Variants in SRBD1 observed in about 807,000 individuals in gnomAD.
The protein encoded by SRBD1 is S1 RNA-binding domain-containing protein 1.
In SRBD1, 88 loss-of-function variants were observed where a neutral mutation model predicts 115.3. That is an observed-to-expected ratio of 0.76 (90% CI 0.64 to 0.91). The LOEUF (loss-of-function observed/expected upper bound fraction) is 0.91. SRBD1 is among the 40% of genes least tolerant of loss of function. The pLI, the probability that SRBD1 is intolerant of heterozygous loss-of-function variation, is 0.00. For missense variants in SRBD1, 1,385 were observed against 1,177.4 expected (o/e 1.18, Z -2.58); for synonymous variants, 509 against 407.7 (o/e 1.25, Z -2.99).
At chr2:45,431,858 G>A (rs1361943707) in intron 16 of SRBD1, among the ~76,000 whole-genome samples, 5 of 152,118 alleles carry the variant, frequency 3.3e-5, no homozygotes, top group Non-Finnish European at 7.4e-5. Context: ...TTAACTCACT[G>A]AATTTAGAAG....
At chr2:45,605,122 T>C (rs1300434755) in intron 2 of SRBD1, among the ~76,000 whole-genome samples, 1 of 152,248 alleles carries the variant, frequency 6.6e-6, no homozygotes, top group African/African-American at 2.4e-5. Context: ...GCTTATATTC[T>C]AGTGTAAGTA....
At chr2:45,425,783 G>C (rs1008021763) in intron 16 of SRBD1, among the ~76,000 whole-genome samples, 9 of 152,116 alleles carry the variant, frequency 5.9e-5, no homozygotes, top group African/African-American at 2.2e-4. Flanking sequence ...CGTGCTGTGA[G>C]GGACTGTGCT....
chr2:45,435,572 AC>A (rs1426425046), intron 16 of SRBD1, among the ~76,000 whole-genome samples: 60 of 68,708 alleles, frequency 8.7e-4, no homozygotes, highest in African/African-American at 2.8e-3. Context: ...AAAAAAAAAA[AC>A]AAAAAAAAAA....
chr2:45,420,822 C>G (rs1667973421), intron 16 of SRBD1, among the ~76,000 whole-genome samples: 1 of 152,156 alleles, frequency 6.6e-6, no homozygotes, highest in Admixed American at 6.5e-5. Flanking sequence ...TTCTTAGAAG[C>G]TTTGATGATA....
intron 14 of SRBD1, among the ~76,000 whole-genome samples, chr2:45,501,691 G>C (rs1670635846): frequency 6.6e-6 from 1 of 152,152 alleles, no homozygotes; most frequent in African/African-American, 2.4e-5. Context: ...CTTGCTCATT[G>C]GTAGCACAGC....
At chr2:45,610,900 C>T (rs1465879763) in intron 1 of SRBD1, among the ~76,000 whole-genome samples, 1 of 150,186 alleles carries the variant, frequency 6.7e-6, no homozygotes, top group Non-Finnish European at 1.5e-5. Context: ...TACACTCCAG[C>T]CTGGGCGACA....
At chr2:45,566,852 TAAAC>T (rs1046157131) in intron 9 of SRBD1, among the ~76,000 whole-genome samples, 1 of 152,096 alleles carries the variant, frequency 6.6e-6, no homozygotes, top group African/African-American at 2.4e-5. Flanking sequence ...TATTAAAAAT[TAAAC>T]AACATCACTT....
chr2:45,471,227 T>C (rs1045366836), intron 16 of SRBD1, among the ~76,000 whole-genome samples: 1 of 152,070 alleles, frequency 6.6e-6, no homozygotes, highest in African/African-American at 2.4e-5. Flanking sequence ...TGAAAAAAAA[T>C]CACATCAACA....
At chr2:45,576,193 T>A (rs1673171653) in intron 7 of SRBD1, among the ~76,000 whole-genome samples, 1 of 152,200 alleles carries the variant, frequency 6.6e-6, no homozygotes, top group Non-Finnish European at 1.5e-5. Context: ...TTTATGATAA[T>A]CCACTTCCAT....
intron 6 of SRBD1, among the ~76,000 whole-genome samples, chr2:45,580,496 C>A (rs1481172523): frequency 1.3e-5 from 2 of 150,200 alleles, no homozygotes; most frequent in East Asian, 3.9e-4. Context: ...CAGGAGCGCA[C>A]CACTACGTCC....
At chr2:45,461,624 G>A (rs543335952) in intron 16 of SRBD1, among the ~76,000 whole-genome samples, 9 of 152,014 alleles carry the variant, frequency 5.9e-5, no homozygotes, top group South Asian at 4.2e-4. Flanking sequence ...CATAACTGAC[G>A]CCGCCCCTAC....
intron 14 of SRBD1, among the ~76,000 whole-genome samples, chr2:45,496,588 G>C (rs909062905): frequency 4.6e-5 from 7 of 152,212 alleles, no homozygotes; most frequent in African/African-American, 1.4e-4. Context: ...AATAACAATG[G>C]TTTCTGCTAC....
chr2:45,521,821 AG>A (rs1314734303), intron 14 of SRBD1, among the ~76,000 whole-genome samples: 3 of 152,050 alleles, frequency 2.0e-5, no homozygotes, highest in Non-Finnish European at 2.9e-5. Context: ...TTTAAAAATT[AG>A]CCAGGCATGG....
At position 45,573,293 on chromosome 2, in the gene SRBD1, AG is replaced by A; in HGVS notation, c.1218del (p.Ser407GlnfsTer4). On this transcript the variant is annotated frameshift_variant, in exon 9 of 21. Coordinates refer to ENST00000263736, the MANE Select transcript of SRBD1 (RefSeq NM_018079.5). LOFTEE classifies it high-confidence loss of function. The stretch of plus-strand genomic sequence containing the variant: ...ACATCTTTCTCATTTACCTTTTTTG[AG>A]GATACTTTTGCCAGAGATGACTGGA... The part of the protein sequence containing the change: ...VCIQSSLAKV[S>X]SKKVNEKDVD... The A allele has an allele frequency of 2.5e-6, 4 of 1,612,340 alleles. No homozygotes were observed.
intron 16 of SRBD1, among the ~76,000 whole-genome samples, chr2:45,468,580 C>T (rs762910009): frequency 2.6e-5 from 4 of 151,822 alleles, no homozygotes; most frequent in South Asian, 2.1e-4. Context: ...GTAGAGATGA[C>T]GTCTCACTAT....
intron 16 of SRBD1, among the ~76,000 whole-genome samples, chr2:45,435,830 C>T (rs1039282817): frequency 6.6e-6 from 1 of 152,158 alleles, no homozygotes; most frequent in Non-Finnish European, 1.5e-5. Flanking sequence ...TTCTATCAAA[C>T]ATTTAAGGAA....
chr2:45,404,693 C>A (rs1032911293), intron 19 of SRBD1, among the ~76,000 whole-genome samples: 10 of 152,232 alleles, frequency 6.6e-5, no homozygotes, highest in Admixed American at 2.6e-4. Flanking sequence ...TCTACCACTG[C>A]CCCTTACAGT....
chr2:45,427,970 G>A (rs1344030183), intron 16 of SRBD1, among the ~76,000 whole-genome samples: 3 of 152,184 alleles, frequency 2.0e-5, no homozygotes, highest in African/African-American at 7.2e-5. Flanking sequence ...GGGTATTCAG[G>A]ACTTGAACTC....
Position 45,602,103 on chromosome 2 carries a change from A to G in SRBD1, c.81-20T>C, listed in dbSNP as rs556914248. The G allele has an allele frequency of 6.3e-7, 1 of 1,582,444 alleles. No individual in the cohort carries two copies. The highest frequency in any genetic ancestry group is 1.9e-5 in the Admixed American group (1 of 52,432). On this transcript the variant is annotated intron_variant, in intron 2 of 20. Transcript: ENST00000263736. ...GATGATCTAGAAGTAAATCAACAGAATAATCTCCAGGAAAAATAAAAGCAA... is the reference window on the plus strand; with the variant it reads ...GATGATCTAGAAGTAAATCAACAGAGTAATCTCCAGGAAAAATAAAAGCAA...
Sources: allele counts gnomAD v4.1 joint callset (sites outside exome capture counted in the v4.1 genomes callset), GRCh38; gene constraint gnomAD v4.1.1; transcripts MANE v1.5; gene names NCBI Gene and HGNC (gene_info 2026-07-23, HGNC 2026-07-21).